Variants in RBFOX1 observed in about 807,000 individuals in gnomAD.
The protein encoded by RBFOX1 is RNA binding protein fox-1 homolog 1.
Under a neutral mutation model 57.7 loss-of-function variants are expected in RBFOX1, and 8 were observed. The observed-to-expected ratio is 0.14, with a 90% CI of 0.08 to 0.25. The LOEUF (loss-of-function observed/expected upper bound fraction) is 0.25. RBFOX1 is among the 10% of genes least tolerant of loss of function. The probability of loss-of-function intolerance (pLI) is 1.00; values close to 1 mark genes in which losing one functional copy is unlikely to be tolerated. For synonymous variants in RBFOX1, 326 were observed against 222.4 expected (o/e 1.47, Z -4.15); for missense variants, 611 against 548.5 (o/e 1.11, Z -1.14).
At chr16:5,884,485 G>A (rs1195770448) in intron 4 of RBFOX1, among the ~76,000 whole-genome samples, 1 of 31,418 alleles carries the variant, frequency 3.2e-5, no homozygotes, top group East Asian at 7.7e-4. Context: ...CCCGCCCCCG[G>A]CTAGGGTACA....
At chr16:5,306,565 C>T (rs1030037081) in intron 1 of RBFOX1, among the ~76,000 whole-genome samples, 1 of 152,144 alleles carries the variant, frequency 6.6e-6, no homozygotes, top group Non-Finnish European at 1.5e-5. Context: ...GCCTTGGCCT[C>T]CCAGATTGCT....
At chr16:7,500,696 C>T (rs1600131480) in intron 4 of RBFOX1, among the ~76,000 whole-genome samples, 3 of 152,204 alleles carry the variant, frequency 2.0e-5, no homozygotes, top group Non-Finnish European at 4.4e-5. Context: ...GATACCCATT[C>T]TGACTTTCTT....
At chr16:6,312,684 CCTTCCTTCCT>C (rs2080501857) in intron 1 of RBFOX1, among the ~76,000 whole-genome samples, 1 of 149,128 alleles carries the variant, frequency 6.7e-6, no homozygotes, top group Non-Finnish European at 1.5e-5. Flanking sequence ...TTCCTTCCTT[CCTTCCTTCCT>C]TCCTTCCTTC....
intron 1 of RBFOX1, among the ~76,000 whole-genome samples, chr16:5,248,429 C>A (rs186676175): frequency 6.6e-6 from 1 of 152,340 alleles, no homozygotes; most frequent in East Asian, 1.9e-4. Context: ...CTCTGAGAGC[C>A]CTGTATTCTG....
At position 7,029,079 on chromosome 16, in the gene RBFOX1, TATACACACACACACACACAC is replaced by T. The variant is rs1201861865; in HGVS notation, c.-15-22976_-15-22957del. Among the ~76,000 whole-genome samples, 13 of 37,008 alleles carry T rather than the reference TATACACACACACACACACAC, an allele frequency of 3.5e-4. 2 individuals are homozygous for T. The African/African-American group carries it at 4.3e-3, about 12-fold the overall frequency. The allele number at this position is 37,008 out of a possible 152,430, so 24.3% of individuals were successfully genotyped here. A position where few individuals can be genotyped will look rare whatever the true frequency, so the allele number is the denominator to read the frequency against. On this transcript the variant is annotated intron_variant, in intron 3 of 15. Transcript: ENST00000550418. ...ATATATATATATATATATATATATA[TATACACACACACACACACAC>T]ACACACACACACACACACACACATA...
chr16:6,733,337 A>G (rs1007415591), intron 3 of RBFOX1, among the ~76,000 whole-genome samples: 3 of 152,188 alleles, frequency 2.0e-5, no homozygotes, highest in African/African-American at 7.2e-5. Context: ...TAGTCCTTCC[A>G]TCCTTCCATA....
At chr16:6,612,144 T>C (rs1284956637) in intron 2 of RBFOX1, among the ~76,000 whole-genome samples, 1 of 152,220 alleles carries the variant, frequency 6.6e-6, no homozygotes, top group Non-Finnish European at 1.5e-5. Flanking sequence ...GGTAAGAATT[T>C]GCTCATCTTT....
intron 5 of RBFOX1, among the ~76,000 whole-genome samples, chr16:7,528,976 A>G (rs948115521): frequency 2.0e-5 from 3 of 152,196 alleles, no homozygotes; most frequent in Non-Finnish European, 4.4e-5. Context: ...TGGAAACGGA[A>G]GGCCAGGCAC....
At chr16:7,402,323 A>G (rs1440570079) in intron 4 of RBFOX1, among the ~76,000 whole-genome samples, 1 of 152,194 alleles carries the variant, frequency 6.6e-6, no homozygotes, top group African/African-American at 2.4e-5. Context: ...TGAAGTGAAA[A>G]GTAGTAAGTA....
At chr16:5,619,804 T>A (rs950113103) in intron 3 of RBFOX1, among the ~76,000 whole-genome samples, 1 of 152,092 alleles carries the variant, frequency 6.6e-6, no homozygotes, top group African/African-American at 2.4e-5. Flanking sequence ...GTCCTTTCAC[T>A]GAGTTTCCGT....
At chr16:6,919,662 C>T (rs925598815) in intron 3 of RBFOX1, among the ~76,000 whole-genome samples, 4 of 151,826 alleles carry the variant, frequency 2.6e-5, no homozygotes, top group South Asian at 4.2e-4. Context: ...GATAAAAATC[C>T]AGATTGAATC....
chr16:6,673,674 C>G (rs2098782267), intron 3 of RBFOX1, among the ~76,000 whole-genome samples: 1 of 152,084 alleles, frequency 6.6e-6, no homozygotes, highest in Admixed American at 6.6e-5. Flanking sequence ...GGTGGAGGAC[C>G]AGCTTCATGA....
At chr16:6,295,906 A>G (rs1408584470) in intron 1 of RBFOX1, among the ~76,000 whole-genome samples, 4 of 152,222 alleles carry the variant, frequency 2.6e-5, no homozygotes, top group Non-Finnish European at 5.9e-5. Flanking sequence ...CCTGGGCCAC[A>G]AACTAATCCA....
At position 7,164,103 on chromosome 16, in the gene RBFOX1, T is replaced by C. The variant is rs924209125; in HGVS notation, c.27+112005T>C. ...ACACTGTACCCAGTGTGTAGTCTTT[T>C]CTCCCTCACCCCCTCCCACCCTTTA... On this transcript the variant is annotated intron_variant, in intron 4 of 15. Coordinates refer to ENST00000550418, the MANE Select transcript of RBFOX1 (RefSeq NM_018723.4). Among the ~76,000 whole-genome samples the C allele has an allele frequency of 5.9e-5, 9 of 152,226 alleles. No individual in the cohort carries two copies. In the South Asian group the frequency reaches 1.2e-3, roughly 21 times the overall value.
At chr16:6,640,654 G>A (rs185434977) in intron 2 of RBFOX1, among the ~76,000 whole-genome samples, 5 of 152,140 alleles carry the variant, frequency 3.3e-5, no homozygotes, top group Admixed American at 1.3e-4. Context: ...TATAGAGCCA[G>A]TGTGGGAAGT....
chr16:7,029,065 T>TATATAC (rs1555788054), intron 3 of RBFOX1, among the ~76,000 whole-genome samples: 4 of 23,806 alleles, frequency 1.7e-4, no homozygotes, highest in Admixed American at 5.3e-4. Flanking sequence ...TATATATATA[T>TATATAC]ATATATATAT....
chr16:6,398,511 G>A (rs527673354), intron 2 of RBFOX1, among the ~76,000 whole-genome samples: 19 of 151,850 alleles, frequency 1.3e-4, no homozygotes, highest in Admixed American at 2.6e-4. Context: ...TACAGGCATC[G>A]GATAAATACA....
chr16:6,142,851 G>A (rs1047132547), intron 1 of RBFOX1, among the ~76,000 whole-genome samples: 19 of 152,052 alleles, frequency 1.2e-4, no homozygotes, highest in African/African-American at 3.6e-4. Context: ...TGTCATTCAA[G>A]ACTCAACTCA....
At chr16:6,895,918 A>T (rs1402247461) in intron 3 of RBFOX1, among the ~76,000 whole-genome samples, 4 of 152,074 alleles carry the variant, frequency 2.6e-5, no homozygotes, top group African/African-American at 9.7e-5. Context: ...TTTTTTAATT[A>T]TGGTGGGTAC....
Sources: allele counts gnomAD v4.1 joint callset (sites outside exome capture counted in the v4.1 genomes callset), GRCh38; gene constraint gnomAD v4.1.1; transcripts MANE v1.5; gene names NCBI Gene and HGNC (gene_info 2026-07-23, HGNC 2026-07-21).